Variants in PARVA observed in about 807,000 individuals in gnomAD.
PARVA encodes the protein alpha-parvin.
A neutral mutation model predicts 52.6 loss-of-function variants in PARVA; 25 were observed. The ratio of observed to expected loss-of-function variants is 0.48; its 90% CI spans 0.35 to 0.66. The LOEUF (loss-of-function observed/expected upper bound fraction) is 0.66, where lower values mean the gene tolerates loss of function less well. Ranked by LOEUF, PARVA falls within the 30% of genes least tolerant of loss-of-function variation. PARVA has a pLI of 0.01. For synonymous variants in PARVA, 185 were observed against 179.1 expected (o/e 1.03, Z -0.26); for missense variants, 373 against 450.9 (o/e 0.83, Z 1.56).
chr11:12,423,868 C>A (rs908673912), intron 1 of PARVA, among the ~76,000 whole-genome samples: 1 of 152,150 alleles, frequency 6.6e-6, no homozygotes, highest in Non-Finnish European at 1.5e-5. Context: ...TGATGAAGAT[C>A]ACTTTATAAT....
intron 1 of PARVA, among the ~76,000 whole-genome samples, chr11:12,427,103 T>A (rs530903687): frequency 3.0e-4 from 45 of 152,118 alleles, no homozygotes; most frequent in African/African-American, 1.1e-3. Flanking sequence ...GAAGTAAAAA[T>A]CAGGCTAATA....
chr11:12,518,577 T>G, intron 12 of PARVA, 60 bp downstream of exon 12: 2 of 1,229,810 alleles, frequency 1.6e-6, no homozygotes, highest in Middle Eastern at 1.9e-4. Flanking sequence ...TGCACATGAG[T>G]ACTCAGATTT....
intron 1 of PARVA, among the ~76,000 whole-genome samples, chr11:12,450,038 C>T (rs1309904677): frequency 2.6e-5 from 4 of 152,116 alleles, no homozygotes; most frequent in Admixed American, 6.6e-5. Context: ...ATCTTTTTCA[C>T]GAAGAATTGT....
chr11:12,498,598 G>A lies in PARVA; in HGVS notation c.541+2000G>A, dbSNP rs1589981067. The stretch of plus-strand genomic sequence containing the variant: ...TTTTTTTTTTTTTTTTTTTTGAGAT[G>A]GAGTCTCGCTCTGTTGCCCAGGCTG... On this transcript the variant is annotated intron_variant, in intron 5 of 12. Transcript: ENST00000334956. 4.0e-5 allele frequency among the ~76,000 whole-genome samples: 5 copies of A among 125,010 alleles called. No homozygotes were observed. In the Admixed American group the frequency reaches 4.2e-4, roughly 11 times the overall value. 82.0% of individuals were successfully genotyped at this position (125,010 alleles called of 152,430 possible).
chr11:12,401,281 G>A (rs1027552179), intron 1 of PARVA, among the ~76,000 whole-genome samples: 1 of 152,188 alleles, frequency 6.6e-6, no homozygotes, highest in Non-Finnish European at 1.5e-5. Context: ...GGAAAGCTAT[G>A]TTAATAAATA....
At chr11:12,503,681 C>A (rs1941390848) in intron 5 of PARVA, among the ~76,000 whole-genome samples, 1 of 151,956 alleles carries the variant, frequency 6.6e-6, no homozygotes, top group Non-Finnish European at 1.5e-5. Context: ...CTGCAGTGAG[C>A]TAGGATTGTA....
rs1941771262 is a variant in PARVA, at chr11:12,531,447, C to T, written c.*3522C>T. On this transcript the variant is annotated 3_prime_UTR_variant, in exon 13 of 13. Transcript: ENST00000334956. ...ATTTTTCAATAACTAGACTCTGAGA[C>T]ATGTATACATTGTGGTTCAAATAGG... 6.6e-6 allele frequency among the ~76,000 whole-genome samples: 1 copy of T among 152,122 alleles called. No homozygotes were observed. The highest frequency in any genetic ancestry group is 1.5e-5 in the Non-Finnish European group (1 of 68,036).
In PARVA at chr11:12,487,974, C is replaced by G. The variant is rs1255006802; in HGVS notation, c.401-8484C>G. On this transcript the variant is annotated intron_variant, in intron 4 of 12. Transcript: ENST00000334956. ...TTTTCTCTGTTTGTATATTATCAGT[C>G]TTATTGAAATTGGTTGAGTGCATAT... 2.0e-5 allele frequency among the ~76,000 whole-genome samples: 3 copies of G among 152,120 alleles called. No individual in the cohort carries two copies. The East Asian group carries it at 5.8e-4, about 29-fold the overall frequency.
Position 12,489,163 on chromosome 11 carries a change from T to TA in PARVA, c.401-7283dup, listed in dbSNP as rs796213841. Among the ~76,000 whole-genome samples the TA allele has an allele frequency of 5.2e-3, 717 of 137,056 alleles. 3 individuals carry two copies. Among genetic ancestry groups the TA allele is most frequent in the African/African-American group, 0.016 (580 of 36,998 alleles). 89.9% of individuals were successfully genotyped at this position (137,056 alleles called of 152,430 possible). ...AATATGGTGAGACCCCACCTCTATT[T>TA]AAAAAAAAAAAAGAAAAAGAAAAAA... On this transcript the variant is annotated intron_variant, in intron 4 of 12. Transcript: ENST00000334956.
At chr11:12,498,756 G>T (rs1303500433) in intron 5 of PARVA, among the ~76,000 whole-genome samples, 3 of 151,872 alleles carry the variant, frequency 2.0e-5, no homozygotes, top group African/African-American at 7.3e-5. Context: ...CGTATTTTTA[G>T]TAGAGACAGG....
At chr11:12,416,458 T>C (rs1380750267) in intron 1 of PARVA, among the ~76,000 whole-genome samples, 2 of 152,168 alleles carry the variant, frequency 1.3e-5, no homozygotes, top group Non-Finnish European at 2.9e-5. Flanking sequence ...GATGAGTTAG[T>C]AGACTTCAAA....
At chr11:12,527,824 T>C (rs1589994316) in intron 12 of PARVA, 25 bp from the exon 13 acceptor site, 3 of 1,573,578 alleles carry the variant, frequency 1.9e-6, no homozygotes, top group East Asian at 2.2e-5. Context: ...ATGGAAACAA[T>C]TGGTGTTTTT....
intron 10 of PARVA, 71 bp from the exon 11 acceptor site, chr11:12,517,539 T>C (rs2135082870): frequency 8.5e-7 from 1 of 1,169,812 alleles, no homozygotes; most frequent in South Asian, 1.3e-5. Flanking sequence ...GCACAGAAGT[T>C]GATGGGCCCC....
At chr11:12,484,231 C>T (rs1453936357) in intron 4 of PARVA, among the ~76,000 whole-genome samples, 1 of 152,162 alleles carries the variant, frequency 6.6e-6, no homozygotes, top group East Asian at 1.9e-4. Flanking sequence ...TTGAACATGG[C>T]CCACTGCCTG....
At position 12,528,714 on chromosome 11, in the gene PARVA, T is replaced by C. The variant is rs1011882604; in HGVS notation, c.*789T>C. On this transcript the variant is annotated 3_prime_UTR_variant, in exon 13 of 13. Coordinates refer to ENST00000334956, the MANE Select transcript of PARVA (RefSeq NM_018222.5). ...TAGGTCAGAGCTTAGTGATTCACACTGAAATTGGCAAATTGGATTTAACCC... is the reference window on the plus strand; with the variant it reads ...TAGGTCAGAGCTTAGTGATTCACACCGAAATTGGCAAATTGGATTTAACCC... 6.6e-6 allele frequency: 1 copy of C among 152,658 alleles called. No individual in the cohort carries two copies. Among genetic ancestry groups the C allele is most frequent in the African/African-American group, 2.4e-5 (1 of 41,456 alleles). The allele number at this position is 152,658 out of a possible 1,614,324, so 9.5% of individuals were successfully genotyped here. A position where few individuals can be genotyped will look rare whatever the true frequency, so the allele number is the denominator to read the frequency against.
At chr11:12,490,142 G>A (rs1941214595) in intron 4 of PARVA, among the ~76,000 whole-genome samples, 1 of 151,274 alleles carries the variant, frequency 6.6e-6, no homozygotes. Flanking sequence ...CGTGAACCAG[G>A]GAAGCAGAGC....
intron 1 of PARVA, among the ~76,000 whole-genome samples, chr11:12,438,129 G>A (rs576818183): frequency 2.6e-5 from 4 of 152,036 alleles, no homozygotes; most frequent in African/African-American, 7.2e-5. Context: ...GCATGGTGGC[G>A]GGCGCCTGTA....
At chr11:12,480,883 A>G (rs1941077589) in intron 4 of PARVA, 1 of 150,640 alleles carries the variant, frequency 6.6e-6, no homozygotes, top group Admixed American at 6.6e-5. Context: ...ATTTTGGGGA[A>G]TGTTTTGGTT....
intron 1 of PARVA, among the ~76,000 whole-genome samples, chr11:12,449,521 C>CTGTT (rs960135213): frequency 6.6e-6 from 1 of 152,184 alleles, no homozygotes; most frequent in East Asian, 1.9e-4. Flanking sequence ...GGAACCTTCC[C>CTGTT]TGTTTCTGTC....
Sources: gnomAD v4.1 joint callset for allele counts (sites outside exome capture counted in the v4.1 genomes callset) on GRCh38, gnomAD v4.1.1 for gene constraint, MANE v1.5 for transcripts, NCBI Gene and HGNC (gene_info 2026-07-23, HGNC 2026-07-21) for gene names.